Variants in ARHGAP15 observed in about 807,000 individuals in gnomAD.
ARHGAP15 encodes rho GTPase-activating protein 15.
A neutral mutation model predicts 63.7 loss-of-function variants in ARHGAP15; 51 were observed. That is an observed-to-expected ratio of 0.80 (90% CI 0.64 to 1.01). ARHGAP15 has a LOEUF of 1.01. Ranked by LOEUF, ARHGAP15 falls within the 50% of genes least tolerant of loss-of-function variation. ARHGAP15 has a pLI of 0.00. For synonymous variants in ARHGAP15, 191 were observed against 193.8 expected, an observed-to-expected ratio of 0.99 and a Z score of 0.12; for missense variants, 560 against 564.6, an observed-to-expected ratio of 0.99 and a Z score of 0.08.
At chr2:143,501,979 G>A (rs952127260) in intron 9 of ARHGAP15, among the ~76,000 whole-genome samples, 1 of 152,176 alleles carries the variant, frequency 6.6e-6, no homozygotes, top group Non-Finnish European at 1.5e-5. Flanking sequence ...TGACCGGGCA[G>A]GATGTGAATA....
At chr2:143,187,835 C>A (rs1691509491) in intron 2 of ARHGAP15, among the ~76,000 whole-genome samples, 1 of 152,098 alleles carries the variant, frequency 6.6e-6, no homozygotes, top group African/African-American at 2.4e-5. Context: ...ATAGCCTGGT[C>A]CCTTTCTCTT....
At chr2:143,622,801 AAAAAAAG>A (rs917256146) in intron 11 of ARHGAP15, among the ~76,000 whole-genome samples, 1 of 151,568 alleles carries the variant, frequency 6.6e-6, no homozygotes, top group Non-Finnish European at 1.5e-5. Flanking sequence ...AAAAAAAAAA[AAAAAAAG>A]AACTGCTGAA....
At chr2:143,527,003 AATG>A (rs980891586) in intron 10 of ARHGAP15, among the ~76,000 whole-genome samples, 3 of 152,160 alleles carry the variant, frequency 2.0e-5, no homozygotes, top group African/African-American at 7.2e-5. Context: ...TTTAAAAATT[AATG>A]ATAATTAAGA....
chr2:143,717,467 G>A (rs1684858334), intron 13 of ARHGAP15, among the ~76,000 whole-genome samples: 1 of 152,152 alleles, frequency 6.6e-6, no homozygotes, highest in African/African-American at 2.4e-5. Flanking sequence ...CTTTCTGCCT[G>A]TCAAGCTCCT....
intron 8 of ARHGAP15, among the ~76,000 whole-genome samples, chr2:143,485,329 C>T (rs912498959): frequency 2.0e-5 from 3 of 152,032 alleles, no homozygotes; most frequent in Non-Finnish European, 4.4e-5. Context: ...AGCTGTCTAC[C>T]TTTCTCACAT....
chr2:143,649,678 C>A (rs1681065833), intron 12 of ARHGAP15, among the ~76,000 whole-genome samples: 1 of 151,950 alleles, frequency 6.6e-6, no homozygotes, highest in Non-Finnish European at 1.5e-5. Context: ...CAGATGTAGT[C>A]TGTTTTCCAC....
At chr2:143,639,799 C>A (rs933907784) in intron 12 of ARHGAP15, among the ~76,000 whole-genome samples, 2 of 152,056 alleles carry the variant, frequency 1.3e-5, no homozygotes, top group Non-Finnish European at 2.9e-5. Context: ...ACCCTCCATA[C>A]CCATAATAAA....
In ARHGAP15 at chr2:143,713,342, C is replaced by T. The variant is rs374030529; in HGVS notation, c.1244+9818C>T. 8.5e-5 allele frequency among the ~76,000 whole-genome samples: 13 copies of T among 152,252 alleles called. No homozygotes were observed. In the South Asian group the frequency reaches 1.9e-3, roughly 22 times the overall value. On this transcript the variant is annotated intron_variant, in intron 13 of 13. Transcript: ENST00000295095. ...CTTATTCACTATCACAAGAATAGCA[C>T]GGGAATGACCAGCCCCCATGATCCA...
intron 12 of ARHGAP15, among the ~76,000 whole-genome samples, chr2:143,669,448 T>A (rs1271224952): frequency 6.6e-6 from 1 of 152,192 alleles, no homozygotes; most frequent in African/African-American, 2.4e-5. Context: ...GCAGATTGAA[T>A]GAATTAATGA....
At chr2:143,186,673 G>A (rs1234094636) in intron 2 of ARHGAP15, among the ~76,000 whole-genome samples, 3 of 152,116 alleles carry the variant, frequency 2.0e-5, no homozygotes, top group Non-Finnish European at 4.4e-5. Context: ...AGAGGATTCT[G>A]TGCTAAATGC....
At chr2:143,323,446 C>G (rs1469624761) in intron 6 of ARHGAP15, among the ~76,000 whole-genome samples, 1 of 152,134 alleles carries the variant, frequency 6.6e-6, no homozygotes, top group East Asian at 1.9e-4. Flanking sequence ...TTGACTTGGA[C>G]TTGATGATCA....
intron 8 of ARHGAP15, among the ~76,000 whole-genome samples, chr2:143,470,088 A>C (rs1393303597): frequency 6.6e-6 from 1 of 151,930 alleles, no homozygotes; most frequent in Non-Finnish European, 1.5e-5. Flanking sequence ...TCTTCCATTC[A>C]CCTTGCCAAT....
At position 143,640,258 on chromosome 2, in the gene ARHGAP15, A is replaced by C. The variant is rs1276826568; in HGVS notation, c.1138+15991A>C. Reference sequence around the variant, plus strand: ...CCTCCTAGAACAATCCATAGTAGTTAGGAGCAATGATCTCAAACTACTGAA... The same window carrying C: ...CCTCCTAGAACAATCCATAGTAGTTCGGAGCAATGATCTCAAACTACTGAA... On this transcript the variant is annotated intron_variant, in intron 12 of 13. Coordinates refer to ENST00000295095, the MANE Select transcript of ARHGAP15 (RefSeq NM_018460.4). 2.0e-5 allele frequency among the ~76,000 whole-genome samples: 3 copies of C among 152,142 alleles called. No homozygotes were observed. In the East Asian group the frequency reaches 5.8e-4, roughly 29 times the overall value.
chr2:143,544,163 G>A (rs1015971248), intron 10 of ARHGAP15, among the ~76,000 whole-genome samples: 2 of 152,046 alleles, frequency 1.3e-5, no homozygotes, highest in African/African-American at 4.8e-5. Context: ...CTCCAAATCT[G>A]GATGTGATTT....
chr2:143,175,805 T>C (rs1690989631), intron 2 of ARHGAP15, among the ~76,000 whole-genome samples: 2 of 152,134 alleles, frequency 1.3e-5, no homozygotes, highest in Non-Finnish European at 1.5e-5. Flanking sequence ...GATGATCATC[T>C]TGAAAACCCA....
intron 13 of ARHGAP15, among the ~76,000 whole-genome samples, chr2:143,731,446 T>TTC (rs1307200568): frequency 6.6e-6 from 1 of 152,160 alleles, no homozygotes; most frequent in African/African-American, 2.4e-5. Context: ...TGAATGAATT[T>TTC]TCTCATCAAT....
chr2:143,410,894 TAAAATAAAAAAC>T, intron 6 of ARHGAP15, among the ~76,000 whole-genome samples: 1 of 147,378 alleles, frequency 6.8e-6, no homozygotes, highest in Non-Finnish European at 1.5e-5. Context: ...TCAATCAGAG[TAAAATAAAAAAC>T]GAAAATATCG....
At chr2:143,664,406 A>G (rs1479305803) in intron 12 of ARHGAP15, among the ~76,000 whole-genome samples, 6 of 152,162 alleles carry the variant, frequency 3.9e-5, no homozygotes, top group South Asian at 2.1e-4. Flanking sequence ...TCTCTGGGAC[A>G]CATTCAAAGC....
In ARHGAP15 at chr2:143,451,194, G is replaced by A. The variant is rs184664591; in HGVS notation, c.703+14152G>A. Among the ~76,000 whole-genome samples the A allele has an allele frequency of 3.1e-4, 47 of 151,916 alleles. No homozygotes were observed. The East Asian group carries it at 6.0e-3, about 19-fold the overall frequency. ...AAAGATGATCATACATTCGCCTCTC[G>A]GGGATAGCAAAGTACAAAATGTCAG... is the stretch of plus-strand genomic sequence containing the variant. On this transcript the variant is annotated intron_variant, in intron 8 of 13. Coordinates refer to ENST00000295095, the MANE Select transcript of ARHGAP15 (RefSeq NM_018460.4).
Sources: gnomAD v4.1 joint callset for allele counts (sites outside exome capture counted in the v4.1 genomes callset) on GRCh38, gnomAD v4.1.1 for gene constraint, MANE v1.5 for transcripts, NCBI Gene and HGNC (gene_info 2026-07-23, HGNC 2026-07-21) for gene names.